The following RPS6KA5 variants were observed in gnomAD, a reference collection of about 807,000 sequenced individuals.
RPS6KA5 encodes the protein ribosomal protein S6 kinase A5, also known as ribosomal protein S6 kinase alpha-5.
RPS6KA5 carries 27 observed loss-of-function variants against 85.5 expected under a neutral mutation model. That is an observed-to-expected ratio of 0.32 (90% CI 0.23 to 0.44). The LOEUF (loss-of-function observed/expected upper bound fraction) is 0.44. Ranked by LOEUF, RPS6KA5 falls within the 20% of genes least tolerant of loss-of-function variation. The probability of loss-of-function intolerance (pLI) is 1.00; values close to 1 mark genes in which losing one functional copy is unlikely to be tolerated. For missense variants in RPS6KA5, 811 were observed against 980.9 expected (o/e 0.83, Z 2.31); for synonymous variants, 334 against 348.2 (o/e 0.96, Z 0.46).
chr14:90,934,807 A>G (rs542614770), intron 5 of RPS6KA5, among the ~76,000 whole-genome samples: 1 of 152,290 alleles, frequency 6.6e-6, no homozygotes, highest in South Asian at 2.1e-4. Context: ...GTCTGCTCAG[A>G]TATCTGGGGG....
intron 3 of RPS6KA5, among the ~76,000 whole-genome samples, chr14:90,974,361 C>T (rs1477313226): frequency 6.6e-6 from 1 of 152,214 alleles, no homozygotes; most frequent in African/African-American, 2.4e-5. Context: ...ACCAAGTGAG[C>T]ATTCCTGGAT....
In RPS6KA5 at chr14:90,855,175, T is replaced by C. The variant is rs540702821; in HGVS notation, c.*16899A>G. On this transcript the variant is annotated 3_prime_UTR_variant, in exon 17 of 17. Transcript: ENST00000614987. ...ATAAAGATATTTCAAATGTATATGA[T>C]GGGGCTAAGGGAGACATAGCTTCTG... The C allele has an allele frequency of 2.6e-5, 4 of 152,330 alleles. No homozygotes were observed. The highest frequency in any genetic ancestry group is 1.3e-4 in the Admixed American group (2 of 15,302). The allele number at this position is 152,330 out of a possible 1,614,324, so 9.4% of individuals were successfully genotyped here.
rs1305350660 is a variant in RPS6KA5, at chr14:90,958,867, T to C, written c.395-11317A>G. Among the ~76,000 whole-genome samples the C allele has an allele frequency of 2.0e-5, 3 of 152,206 alleles. No homozygotes were observed. In the East Asian group the frequency reaches 5.8e-4, roughly 29 times the overall value. On this transcript the variant is annotated intron_variant, in intron 3 of 16. Coordinates refer to ENST00000614987, the MANE Select transcript of RPS6KA5 (RefSeq NM_004755.4). Reference sequence around the variant, plus strand: ...ATTACTATGGAAAAAGTAGCATAGATACAAAGGTCTAGGGTAGAGATGAGG... The same window carrying C: ...ATTACTATGGAAAAAGTAGCATAGACACAAAGGTCTAGGGTAGAGATGAGG...
intron 1 of RPS6KA5, among the ~76,000 whole-genome samples, chr14:91,044,380 A>G (rs867010477): frequency 1.1e-4 from 2 of 18,730 alleles, no homozygotes; most frequent in African/African-American, 4.1e-4. Context: ...AAAGAAGGAA[A>G]GAAAGAAAGA....
chr14:91,019,297 G>C (rs2041639263), intron 1 of RPS6KA5, among the ~76,000 whole-genome samples: 1 of 152,148 alleles, frequency 6.6e-6, no homozygotes, highest in South Asian at 2.1e-4. Context: ...TTAAATCAGT[G>C]GACTTTGAGT....
chr14:90,982,644 A>G (rs2140493799), intron 2 of RPS6KA5, among the ~76,000 whole-genome samples: 1 of 152,342 alleles, frequency 6.6e-6, no homozygotes, highest in African/African-American at 2.4e-5. Flanking sequence ...CTTATCAACT[A>G]CATCAGAGCC....
At chr14:91,033,758 G>A (rs2042286786) in intron 1 of RPS6KA5, among the ~76,000 whole-genome samples, 1 of 152,102 alleles carries the variant, frequency 6.6e-6, no homozygotes, top group Non-Finnish European at 1.5e-5. Flanking sequence ...GACCACTAGA[G>A]TATTTAACTT....
At chr14:90,942,091 C>T (rs187711362) in intron 5 of RPS6KA5, among the ~76,000 whole-genome samples, 56 of 152,038 alleles carry the variant, frequency 3.7e-4, no homozygotes, top group African/African-American at 1.3e-3. Context: ...TGTCCAGTAC[C>T]CAGCATAGTA....
chr14:90,884,560 T>G (rs1191421166), intron 14 of RPS6KA5, among the ~76,000 whole-genome samples: 1 of 152,216 alleles, frequency 6.6e-6, no homozygotes, highest in Non-Finnish European at 1.5e-5. Context: ...CACTTTACTG[T>G]CCAAGCCTTT....
intron 1 of RPS6KA5, chr14:91,060,067 C>A (rs911562745): frequency 2.0e-6 from 2 of 985,322 alleles, no homozygotes; most frequent in South Asian, 4.7e-5. Flanking sequence ...GTGCCACGGG[C>A]AGCGGTCGGC....
intron 3 of RPS6KA5, among the ~76,000 whole-genome samples, chr14:90,976,647 A>G (rs2039584185): frequency 1.3e-5 from 2 of 152,212 alleles, no homozygotes; most frequent in African/African-American, 4.8e-5. Flanking sequence ...TATCAAAAAA[A>G]TCAATAACAT....
At chr14:91,031,430 T>C (rs2042183421) in intron 1 of RPS6KA5, among the ~76,000 whole-genome samples, 1 of 152,148 alleles carries the variant, frequency 6.6e-6, no homozygotes, top group African/African-American at 2.4e-5. Context: ...GAAACAGGAT[T>C]AAGCACATAA....
At chr14:90,872,472 A>G in intron 16 of RPS6KA5, 150 bp from the exon 17 acceptor site, 1 of 1,022,328 alleles carries the variant, frequency 9.8e-7, no homozygotes, top group East Asian at 2.7e-5. Context: ...CTTTATATCT[A>G]AGTCTATTGG....
At chr14:90,959,823 G>A (rs1276399601) in intron 3 of RPS6KA5, among the ~76,000 whole-genome samples, 2 of 152,154 alleles carry the variant, frequency 1.3e-5, no homozygotes, top group Non-Finnish European at 2.9e-5. Flanking sequence ...TGTGAGATTT[G>A]CCAAGGAGTT....
rs1391115109 is a variant in RPS6KA5 at position 91,052,509 on chromosome 14, TATGGATACCACTA to T, written c.103+7810_103+7822del. ...ACAGATTTACTTAAGAGATTGTAAATATGGATACCACTAATCAAATAGATAAGATCTTTAGGCA... is the reference window on the plus strand; with the variant it reads ...ACAGATTTACTTAAGAGATTGTAAATATCAAATAGATAAGATCTTTAGGCA... On this transcript the variant is annotated intron_variant, in intron 1 of 16. Coordinates refer to ENST00000614987, the MANE Select transcript of RPS6KA5 (RefSeq NM_004755.4). The T allele has an allele frequency of 1.2e-3, 283 of 227,208 alleles. 1 individual carries two copies. The highest frequency in any genetic ancestry group is 2.1e-3 in the Non-Finnish European group (246 of 115,946). 14.1% of individuals were successfully genotyped at this position (227,208 alleles called of 1,614,324 possible). A position where few individuals can be genotyped will look rare whatever the true frequency, so the allele number is the denominator to read the frequency against.
In RPS6KA5 at chr14:90,863,326, A is replaced by AAAAAAAG. The variant is rs1566662643; in HGVS notation, c.*8747_*8748insCTTTTTT. On this transcript the variant is annotated 3_prime_UTR_variant, in exon 17 of 17. Transcript: ENST00000614987. ...TCAAAAAAAAAAAAAAAAAAAAAAA[A>AAAAAAAG]AAAAGAAAAGAAAAGAAAAAAATAT... 7.1e-5 allele frequency: 10 copies of AAAAAAAG among 141,492 alleles called. No individual in the cohort carries two copies. The highest frequency in any genetic ancestry group is 2.1e-4 in the South Asian group (1 of 4,744). 8.8% of individuals were successfully genotyped at this position (141,492 alleles called of 1,614,324 possible). A position where few individuals can be genotyped will look rare whatever the true frequency, so the allele number is the denominator to read the frequency against.
At chr14:90,982,637 A>G (rs571213146) in intron 2 of RPS6KA5, among the ~76,000 whole-genome samples, 1 of 152,354 alleles carries the variant, frequency 6.6e-6, no homozygotes, top group South Asian at 2.1e-4. Context: ...TGTTAATCTT[A>G]TCAACTACAT....
At chr14:90,970,339 A>G (rs1252404278) in intron 3 of RPS6KA5, among the ~76,000 whole-genome samples, 1 of 152,218 alleles carries the variant, frequency 6.6e-6, no homozygotes, top group Non-Finnish European at 1.5e-5. Context: ...CATCTCAGCA[A>G]TTACAATTAT....
chr14:90,879,047 G>A (rs1322704656), intron 14 of RPS6KA5, among the ~76,000 whole-genome samples: 1 of 152,216 alleles, frequency 6.6e-6, no homozygotes, highest in Non-Finnish European at 1.5e-5. Flanking sequence ...TTCTGTGGCA[G>A]GTAACTATTT....
Sources: allele counts gnomAD v4.1 joint callset (sites outside exome capture counted in the v4.1 genomes callset), GRCh38; gene constraint gnomAD v4.1.1; transcripts MANE v1.5; gene names NCBI Gene and HGNC (gene_info 2026-07-23, HGNC 2026-07-21).